The following PRKAA2 variants were observed in gnomAD, a reference collection of about 807,000 sequenced individuals.
PRKAA2 encodes the protein 5'-AMP-activated protein kinase catalytic subunit alpha-2.
In PRKAA2, 40 loss-of-function variants were observed where a neutral mutation model predicts 56.3. The ratio of observed to expected loss-of-function variants is 0.71; its 90% CI spans 0.55 to 0.92. The LOEUF (loss-of-function observed/expected upper bound fraction) is 0.92. Ranked by LOEUF, PRKAA2 falls within the 40% of genes least tolerant of loss-of-function variation. The probability of loss-of-function intolerance (pLI) is 0.00; values close to 1 mark genes in which losing one functional copy is unlikely to be tolerated. For synonymous variants in PRKAA2, 214 were observed against 234.2 expected, an observed-to-expected ratio of 0.91 and a Z score of 0.79; for missense variants, 542 against 686.9, an observed-to-expected ratio of 0.79 and a Z score of 2.36.
At chr1:56,668,173 A>G (rs988243974) in intron 1 of PRKAA2, among the ~76,000 whole-genome samples, 8 of 149,772 alleles carry the variant, frequency 5.3e-5, no homozygotes, top group African/African-American at 2.0e-4. Flanking sequence ...TACACCAGTC[A>G]GGGACTCTTT....
intron 1 of PRKAA2, among the ~76,000 whole-genome samples, chr1:56,673,095 A>G (rs1644089339): frequency 6.6e-6 from 1 of 152,076 alleles, no homozygotes; most frequent in African/African-American, 2.4e-5. Context: ...TTTAAGATAG[A>G]GGAAATTGGG....
intron 1 of PRKAA2, among the ~76,000 whole-genome samples, chr1:56,662,201 A>G (rs1385824015): frequency 6.6e-6 from 1 of 152,094 alleles, no homozygotes; most frequent in East Asian, 1.9e-4. Context: ...TCTTAAGATG[A>G]AAGTGTCTTC....
intron 1 of PRKAA2, among the ~76,000 whole-genome samples, chr1:56,648,280 T>C (rs1406009820): frequency 6.6e-6 from 1 of 152,198 alleles, no homozygotes; most frequent in Non-Finnish European, 1.5e-5. Flanking sequence ...ATAAATTTGC[T>C]TTTTCTAGGC....
At chr1:56,664,855 TACACACACACACAC>T (rs67041631) in intron 1 of PRKAA2, among the ~76,000 whole-genome samples, 4 of 139,932 alleles carry the variant, frequency 2.9e-5, no homozygotes, top group South Asian at 5.1e-4. Flanking sequence ...AGTATATGTG[TACACACACACACAC>T]ACACACACAC....
At chr1:56,647,851 G>A (rs1018723062) in intron 1 of PRKAA2, among the ~76,000 whole-genome samples, 3 of 151,564 alleles carry the variant, frequency 2.0e-5, no homozygotes, top group Non-Finnish European at 2.9e-5. Context: ...CCAACATGGC[G>A]AAACCCCATG....
intron 6 of PRKAA2, among the ~76,000 whole-genome samples, chr1:56,702,215 C>T (rs1200666866): frequency 6.6e-6 from 1 of 151,966 alleles, no homozygotes; most frequent in African/African-American, 2.4e-5. Flanking sequence ...TCCCTAGTAG[C>T]TGGGATTATA....
At chr1:56,706,448 AAGT>A (rs1644332928) in intron 8 of PRKAA2, among the ~76,000 whole-genome samples, 1 of 152,226 alleles carries the variant, frequency 6.6e-6, no homozygotes, top group African/African-American at 2.4e-5. Context: ...GAATCATTTG[AAGT>A]GTTGGCCGTG....
intron 5 of PRKAA2, 66 bp downstream of exon 5, chr1:56,693,918 T>C: frequency 9.3e-7 from 1 of 1,081,050 alleles, no homozygotes; most frequent in Non-Finnish European, 1.3e-6. Flanking sequence ...TTAATTACAA[T>C]ATATTCTCTA....
At chr1:56,673,667 T>G (rs1251191904) in intron 1 of PRKAA2, among the ~76,000 whole-genome samples, 1 of 152,226 alleles carries the variant, frequency 6.6e-6, no homozygotes, top group African/African-American at 2.4e-5. Context: ...TATATTGATT[T>G]AGCACCTCTG....
chr1:56,669,394 G>C (rs538599510), intron 1 of PRKAA2, among the ~76,000 whole-genome samples: 2 of 152,102 alleles, frequency 1.3e-5, no homozygotes, highest in East Asian at 3.9e-4. Flanking sequence ...GGGAGGCAGA[G>C]GTTGCAGTGA....
rs1472027926 is a variant in PRKAA2, at chr1:56,708,898, A to G, written c.*1185A>G. The stretch of plus-strand genomic sequence containing the variant: ...TTTTATCTTAAATAAATAAATATAT[A>G]TATTCACACACCAGTGCTTTTAAGC... On this transcript the variant is annotated 3_prime_UTR_variant, in exon 9 of 9. Transcript: ENST00000371244. The G allele has an allele frequency of 6.6e-6, 1 of 152,050 alleles. No individual in the cohort carries two copies. Among genetic ancestry groups the G allele is most frequent in the Non-Finnish European group, 1.5e-5 (1 of 68,012 alleles). The allele number at this position is 152,050 out of a possible 1,614,324, so 9.4% of individuals were successfully genotyped here.
intron 1 of PRKAA2, 117 bp downstream of exon 1, chr1:56,645,598 C>G: frequency 1.1e-6 from 1 of 925,502 alleles, no homozygotes; most frequent in Non-Finnish European, 1.4e-6. Context: ...GTGGAGCGGT[C>G]CCGGGTCGCG....
At position 56,645,580 on chromosome 1, in the gene PRKAA2, G is replaced by C. The variant is rs1646633580; in HGVS notation, c.94+99G>C. On this transcript the variant is annotated intron_variant, in intron 1 of 8. Transcript: ENST00000371244. ...CGGGCCTCCGGCGGGCGCGGGGCTC[G>C]GCGGCAGGTGGAGCGGTCCCGGGTC... The C allele has an allele frequency of 6.0e-6, 7 of 1,159,084 alleles. No homozygotes were observed. The South Asian group carries it at 9.4e-5, about 16-fold the overall frequency. The allele number at this position is 1,159,084 out of a possible 1,614,324, so 71.8% of individuals were successfully genotyped here. A position where few individuals can be genotyped will look rare whatever the true frequency, so the allele number is the denominator to read the frequency against.
In PRKAA2 at chr1:56,713,772, TAAG is replaced by T. The variant is rs1231546065; in HGVS notation, c.*6060_*6062del. 6.7e-6 allele frequency: 1 copy of T among 149,222 alleles called. No homozygotes were observed. Among genetic ancestry groups the T allele is most frequent in the African/African-American group, 2.5e-5 (1 of 40,444 alleles). The allele number at this position is 149,222 out of a possible 1,614,324, so 9.2% of individuals were successfully genotyped here. A position where few individuals can be genotyped will look rare whatever the true frequency, so the allele number is the denominator to read the frequency against. ...CGTGCATTTTTCACAGTTACACATT[TAAG>T]TTTTGCTACCAAAAATGGCCATTTT... is the stretch of plus-strand genomic sequence containing the variant. On this transcript the variant is annotated 3_prime_UTR_variant, in exon 9 of 9. Transcript: ENST00000371244.
chr1:56,704,131 C>T lies in PRKAA2; in HGVS notation c.949C>T (p.Gln317Ter), dbSNP rs1644315289. The change falls in exon 7 of 9, where the codon CAA becomes TAA. Residue 317 changes from glutamine to a stop codon, truncating the protein, a stop_gained. Coordinates refer to ENST00000371244, the MANE Select transcript of PRKAA2 (RefSeq NM_006252.4). LOFTEE classifies it high-confidence loss of function. ...VMNSLYSGDP[Q>*]DQLAVAYHLI... ...GAACAGTTTATATAGTGGTGACCCT[C>T]AAGACCAGCTTGCAGTGGCTTATCA... 1 of 1,614,032 alleles carries T rather than the reference C, an allele frequency of 6.2e-7. No homozygotes were observed.
At chr1:56,692,086 G>A (rs186075970) in intron 3 of PRKAA2, among the ~76,000 whole-genome samples, 13 of 145,014 alleles carry the variant, frequency 9.0e-5, no homozygotes, top group East Asian at 8.1e-4. Context: ...AGGCTGGAGC[G>A]CAGTGGCATG....
intron 1 of PRKAA2, among the ~76,000 whole-genome samples, chr1:56,658,316 T>C (rs1177716570): frequency 6.6e-6 from 1 of 152,126 alleles, no homozygotes. Context: ...GGGGAGTTGT[T>C]TGAAGACAGG....
chr1:56,684,184 A>G (rs1036947169), intron 2 of PRKAA2, among the ~76,000 whole-genome samples: 1 of 152,118 alleles, frequency 6.6e-6, no homozygotes, highest in African/African-American at 2.4e-5. Flanking sequence ...AAAAACAAGG[A>G]TGGAGTTGCC....
chr1:56,689,625 A>G (rs2100421398), intron 2 of PRKAA2, among the ~76,000 whole-genome samples: 2 of 152,218 alleles, frequency 1.3e-5, no homozygotes, highest in African/African-American at 4.8e-5. Context: ...AGGTTGAGGC[A>G]GGAGAATTTC....
Sources: gnomAD v4.1 joint callset for allele counts (sites outside exome capture counted in the v4.1 genomes callset) on GRCh38, gnomAD v4.1.1 for gene constraint, MANE v1.5 for transcripts, NCBI Gene and HGNC (gene_info 2026-07-23, HGNC 2026-07-21) for gene names.